The following NPHP4 variants were observed in gnomAD, a reference collection of about 807,000 sequenced individuals.
NPHP4 encodes nephrocystin-4.
Under a neutral mutation model 155.8 loss-of-function variants are expected in NPHP4, and 151 were observed. The observed-to-expected ratio is 0.97, with a 90% CI of 0.85 to 1.11. The LOEUF is 1.11. Among genes scored for constraint, NPHP4 ranks in the 50% least tolerant of loss-of-function variants. The pLI is 0.00. For synonymous variants in NPHP4, 845 were observed against 816.8 expected (o/e 1.03, Z -0.59); for missense variants, 1,956 against 1,925.7 (o/e 1.02, Z -0.29).
chr1:5,888,334 C>A, intron 17 of NPHP4: 1 of 1,056,720 alleles, frequency 9.5e-7, no homozygotes, highest in South Asian at 2.7e-5. Context: ...TTCCCCCGTG[C>A]CCTCTCTGCT....
At chr1:5,990,052 G>A (rs1210695213) in intron 1 of NPHP4, among the ~76,000 whole-genome samples, 11 of 152,210 alleles carry the variant, frequency 7.2e-5, no homozygotes, top group Non-Finnish European at 1.5e-4. Flanking sequence ...CCAAGCGCCC[G>A]CAGCAGCTCT....
intron 19 of NPHP4, among the ~76,000 whole-genome samples, chr1:5,878,424 G>T (rs1246202230): frequency 6.6e-6 from 1 of 152,224 alleles, no homozygotes; most frequent in Non-Finnish European, 1.5e-5. Context: ...GGGACCTGGG[G>T]CCTGCGCAAG....
chr1:5,966,561 A>T (rs1020502472), intron 5 of NPHP4, among the ~76,000 whole-genome samples: 5 of 152,048 alleles, frequency 3.3e-5, no homozygotes, highest in Non-Finnish European at 5.9e-5. Context: ...TTGACTTTTA[A>T]CACAAGCCAC....
chr1:5,969,628 G>C (rs1346639873), intron 3 of NPHP4, among the ~76,000 whole-genome samples: 3 of 152,162 alleles, frequency 2.0e-5, no homozygotes, highest in African/African-American at 4.8e-5. Context: ...ACCCAACCCT[G>C]CAGGGGGACA....
chr1:5,863,774 G>C (rs1640887794), intron 29 of NPHP4, 116 bp downstream of exon 29: 3 of 1,157,822 alleles, frequency 2.6e-6, no homozygotes, highest in Non-Finnish European at 3.8e-6. Context: ...CACCGCCCTG[G>C]GGCTTTTGGA....
intron 9 of NPHP4, among the ~76,000 whole-genome samples, chr1:5,945,111 G>A (rs1647023550): frequency 2.0e-5 from 3 of 152,196 alleles, no homozygotes; most frequent in Admixed American, 1.3e-4. Context: ...AGACATCTTG[G>A]TTTCAGCATA....
chr1:5,962,006 T>A (rs1650429595), intron 5 of NPHP4, 57 bp from the exon 6 acceptor site: 10 of 1,381,410 alleles, frequency 7.2e-6, no homozygotes, highest in Non-Finnish European at 1.0e-5. Flanking sequence ...GTGCTTCCAG[T>A]CAAACCAGCC....
chr1:5,917,016 T>A (rs1645507456), intron 11 of NPHP4, among the ~76,000 whole-genome samples: 1 of 152,200 alleles, frequency 6.6e-6, no homozygotes, highest in South Asian at 2.1e-4. Flanking sequence ...AAAGCGGCAG[T>A]GGCAGGGAAA....
chr1:5,868,371 C>G (rs756428985), intron 23 of NPHP4: 7 of 265,592 alleles, frequency 2.6e-5, no homozygotes, highest in Non-Finnish European at 4.4e-5. Context: ...TGTGCCTAAA[C>G]CAAAGGGGTT....
At chr1:5,906,134 A>T (rs1383503099) in intron 13 of NPHP4, among the ~76,000 whole-genome samples, 1 of 152,218 alleles carries the variant, frequency 6.6e-6, no homozygotes, top group East Asian at 1.9e-4. Context: ...ACCGTGGGAG[A>T]TACCTGACAC....
intron 11 of NPHP4, among the ~76,000 whole-genome samples, chr1:5,917,927 C>T (rs1022363143): frequency 6.6e-6 from 1 of 152,200 alleles, no homozygotes; most frequent in Non-Finnish European, 1.5e-5. Flanking sequence ...TTCCTACTGG[C>T]GCAACCCAGC....
chr1:5,873,204 A>T, intron 23 of NPHP4, 48 bp downstream of exon 23: 1 of 1,462,072 alleles, frequency 6.8e-7, no homozygotes, highest in Non-Finnish European at 9.6e-7. Flanking sequence ...AGGCCCTGGG[A>T]ATACCCAGGA....
chr1:5,926,056 T>G (rs1328653347), intron 11 of NPHP4, among the ~76,000 whole-genome samples: 1 of 152,172 alleles, frequency 6.6e-6, no homozygotes, highest in African/African-American at 2.4e-5. Flanking sequence ...AGGAAATGCA[T>G]GCATGCCTAC....
At chr1:5,956,454 C>CA (rs1301960844) in intron 6 of NPHP4, among the ~76,000 whole-genome samples, 1 of 152,226 alleles carries the variant, frequency 6.6e-6, no homozygotes, top group Non-Finnish European at 1.5e-5. Context: ...GCTACATCTG[C>CA]AGTGAGTAGA....
At chr1:5,887,687 A>C (rs376388553) in intron 17 of NPHP4, among the ~76,000 whole-genome samples, 2 of 152,188 alleles carry the variant, frequency 1.3e-5, no homozygotes, top group Non-Finnish European at 2.9e-5. Flanking sequence ...TCTTTTTCAC[A>C]AAGTCTTAAG....
At position 5,874,674 on chromosome 1, in the gene NPHP4, C is replaced by G. The variant is rs758528343; in HGVS notation, c.3045-17G>C. On this transcript the variant is annotated splice_polypyrimidine_tract_variant and intron_variant, in intron 21 of 29. Transcript: ENST00000378156. ...ACGATGACGCTGGGGGAGGCAGTGT[C>G]CAGGCGTCAGGGCAGTTCTTCCCAG... The G allele has an allele frequency of 8.0e-5, 128 of 1,609,240 alleles. No homozygotes were observed. The highest frequency in any genetic ancestry group is 1.3e-4 in the Admixed American group (8 of 59,730).
chr1:5,973,670 A>G (rs11587485), intron 3 of NPHP4, among the ~76,000 whole-genome samples: 1,587 of 152,356 alleles, frequency 0.01, 17 homozygotes, highest in South Asian at 0.012. Context: ...TTGTCCCCAG[A>G]TGACTGACAG....
intron 27 of NPHP4, 39 bp downstream of exon 27, chr1:5,865,063 T>C (rs201246623): frequency 1.4e-4 from 221 of 1,597,698 alleles, no homozygotes; most frequent in Middle Eastern, 5.2e-4. Flanking sequence ...CAGGCTGGGG[T>C]TGGGGAGAGG....
intron 11 of NPHP4, among the ~76,000 whole-genome samples, chr1:5,915,983 G>A (rs75803519): frequency 0.031 from 4,704 of 152,164 alleles, 83 homozygotes; most frequent in African/African-American, 0.048. Context: ...GGCACCACGG[G>A]GCAGGAATCT....
Sources: allele counts gnomAD v4.1 joint callset (sites outside exome capture counted in the v4.1 genomes callset), GRCh38; gene constraint gnomAD v4.1.1; transcripts MANE v1.5; gene names NCBI Gene and HGNC (gene_info 2026-07-23, HGNC 2026-07-21).